IFT88: variants seen among roughly 807,000 people sequenced by gnomAD.
The protein encoded by IFT88 is intraflagellar transport 88, also known as intraflagellar transport protein 88 homolog.
In IFT88, 74 loss-of-function variants were observed where a neutral mutation model predicts 119.5. The observed-to-expected ratio is 0.62, with a 90% confidence interval of 0.51 to 0.75. The LOEUF is 0.75. Among genes scored for constraint, IFT88 ranks in the 30% least tolerant of loss-of-function variants. IFT88 has a pLI of 0.00. For synonymous variants in IFT88, 279 were observed against 316.7 expected (o/e 0.88, Z 1.26); for missense variants, 961 against 977.7 (o/e 0.98, Z 0.23).
chr13:20,621,526 TAAAAAAAAAAAAAAA>T (rs200491393), intron 14 of IFT88, among the ~76,000 whole-genome samples: 40 of 130,796 alleles, frequency 3.1e-4, no homozygotes, highest in African/African-American at 7.6e-4. Flanking sequence ...CCTGCTGAGA[TAAAAAAAAAAAAAAA>T]AAAAAAAAAA....
intron 22 of IFT88, among the ~76,000 whole-genome samples, chr13:20,657,762 A>AAATAAAT (rs1566384707): frequency 6.6e-6 from 1 of 151,040 alleles, no homozygotes; most frequent in African/African-American, 2.5e-5. Context: ...ATTCTGTCTC[A>AAATAAAT]AAATAAATAA....
intron 7 of IFT88, 72 bp downstream of exon 7, chr13:20,592,476 AT>A (rs376442929): frequency 0.018 from 18,333 of 1,003,546 alleles, 63 homozygotes; most frequent in African/African-American, 0.052. Flanking sequence ...CAAATACACA[AT>A]TTTTTTTTTT....
At chr13:20,587,605 C>T (rs972920282) in intron 3 of IFT88, among the ~76,000 whole-genome samples, 2 of 151,996 alleles carry the variant, frequency 1.3e-5, no homozygotes, top group South Asian at 2.1e-4. Context: ...CTTGTACTCT[C>T]GTTGTGGGTT....
At chr13:20,581,171 A>G (rs2038574423) in intron 2 of IFT88, among the ~76,000 whole-genome samples, 1 of 152,194 alleles carries the variant, frequency 6.6e-6, no homozygotes, top group African/African-American at 2.4e-5. Flanking sequence ...TTTTTGGCTT[A>G]TGCTTGGTTT....
chr13:20,602,768 A>G (rs934979518), intron 12 of IFT88, among the ~76,000 whole-genome samples: 14 of 152,198 alleles, frequency 9.2e-5, no homozygotes, highest in African/African-American at 3.4e-4. Context: ...CTGTAATCCC[A>G]GCTACTTGGG....
chr13:20,648,311 G>A (rs1209079408), intron 20 of IFT88, among the ~76,000 whole-genome samples: 2 of 152,180 alleles, frequency 1.3e-5, no homozygotes, highest in Non-Finnish European at 2.9e-5. Flanking sequence ...CATGAGAATC[G>A]CTTGAACCCG....
At chr13:20,649,800 C>T (rs2051326740) in intron 20 of IFT88, among the ~76,000 whole-genome samples, 1 of 151,964 alleles carries the variant, frequency 6.6e-6, no homozygotes, top group Non-Finnish European at 1.5e-5. Context: ...ATTAGAAATG[C>T]AAGTAGAGGC....
chr13:20,620,439 C>CTGG, intron 14 of IFT88, among the ~76,000 whole-genome samples: 1 of 152,268 alleles, frequency 6.6e-6, no homozygotes, highest in Middle Eastern at 3.4e-3. Context: ...CACTTGATAT[C>CTGG]TGGTAGTGCT....
At chr13:20,639,667 C>T (rs979956790) in intron 17 of IFT88, among the ~76,000 whole-genome samples, 2 of 151,978 alleles carry the variant, frequency 1.3e-5, no homozygotes, top group African/African-American at 2.4e-5. Flanking sequence ...TAGATATATC[C>T]TTATTTATTT....
Position 20,601,797 on chromosome 13 carries a change from C to A in IFT88, c.905C>A (p.Ala302Glu). 6.2e-7 allele frequency: 1 copy of A among 1,613,306 alleles called. No individual in the cohort carries two copies. Among genetic ancestry groups the A allele is most frequent in the Non-Finnish European group, 8.5e-7 (1 of 1,179,342 alleles). The part of the protein sequence containing the change: ...INSYEHIMSM[A>E]PNLKAGYNLT... ...TCATATGAGCACATAATGAGCATGG[C>A]ACCAAATCTGAAGGCAGGCTACAAC... The change falls in exon 12 of 26, where the codon GCA (alanine) becomes GAA (glutamate). Residue 302 changes from alanine (A) to glutamate (E), a missense_variant. By Grantham distance (107) the Ala-to-Glu change is moderately radical. Coordinates refer to ENST00000351808, the MANE Select transcript of IFT88 (RefSeq NM_006531.5).
intron 23 of IFT88, among the ~76,000 whole-genome samples, chr13:20,667,102 C>T (rs746465795): frequency 3.9e-5 from 6 of 152,134 alleles, no homozygotes; most frequent in Non-Finnish European, 5.9e-5. Flanking sequence ...CACATCTTAG[C>T]GTTGAAGTGA....
At chr13:20,572,951 T>C (rs1438691825) in intron 1 of IFT88, among the ~76,000 whole-genome samples, 2 of 152,192 alleles carry the variant, frequency 1.3e-5, no homozygotes, top group African/African-American at 4.8e-5. Context: ...TAGTACTTCA[T>C]TGCGTAAGTA....
rs556724250 is a variant in IFT88, at chr13:20,620,397, C to T, written c.1199+4518C>T. Among the ~76,000 whole-genome samples the T allele has an allele frequency of 2.6e-5, 4 of 152,232 alleles. No individual in the cohort carries two copies. The East Asian group carries it at 7.7e-4, about 29-fold the overall frequency. On this transcript the variant is annotated intron_variant, in intron 14 of 25. Coordinates refer to ENST00000351808, the MANE Select transcript of IFT88 (RefSeq NM_006531.5). ...CATTTATCTACTCTTGTCGTCAAACCACATTGCCTACATTTCTATAGTTTA... is the reference window on the plus strand; with the variant it reads ...CATTTATCTACTCTTGTCGTCAAACTACATTGCCTACATTTCTATAGTTTA...
At chr13:20,600,829 A>G (rs2042470231) in intron 11 of IFT88, among the ~76,000 whole-genome samples, 1 of 152,256 alleles carries the variant, frequency 6.6e-6, no homozygotes. Context: ...CATAACAATT[A>G]TTCATAATAG....
intron 16 of IFT88, among the ~76,000 whole-genome samples, chr13:20,634,571 T>C (rs994408927): frequency 5.3e-5 from 8 of 151,724 alleles, no homozygotes; most frequent in South Asian, 2.1e-4. Flanking sequence ...ACCAAAAATA[T>C]AAAAAATTAG....
chr13:20,607,585 A>G, intron 13 of IFT88: 1 of 744,646 alleles, frequency 1.3e-6, no homozygotes, highest in South Asian at 1.4e-5. Context: ...TTGCGGATCC[A>G]CCATCTCCCG....
chr13:20,596,715 TTTGA>T (rs1433268122), intron 8 of IFT88, among the ~76,000 whole-genome samples: 4 of 152,382 alleles, frequency 2.6e-5, no homozygotes, highest in Middle Eastern at 6.8e-3. Flanking sequence ...TTCATGTTAC[TTTGA>T]TTGTCATATC....
In IFT88 at chr13:20,598,623, G is replaced by A. The variant is rs780996029; in HGVS notation, c.595-28G>A. On this transcript the variant is annotated intron_variant, in intron 9 of 25. Coordinates refer to ENST00000351808, the MANE Select transcript of IFT88 (RefSeq NM_006531.5). ...AAAGGGGCCTAAAGTGGTCTTATGTGTCTTTTCTATAATATTTTCTTCCTT... is the reference window on the plus strand; with the variant it reads ...AAAGGGGCCTAAAGTGGTCTTATGTATCTTTTCTATAATATTTTCTTCCTT... 1.7e-5 allele frequency: 25 copies of A among 1,453,594 alleles called. No individual in the cohort carries two copies. In the South Asian group the frequency reaches 1.9e-4, roughly 11 times the overall value. The allele number at this position is 1,453,594 out of a possible 1,614,324, so 90.0% of individuals were successfully genotyped here.
At chr13:20,641,607 G>T in intron 18 of IFT88, 3 of 390,442 alleles carry the variant, frequency 7.7e-6, no homozygotes, top group Non-Finnish European at 9.2e-6. Flanking sequence ...AGGAATTAAT[G>T]GTTAAAACTA....
Sources: gnomAD v4.1 joint callset for allele counts (sites outside exome capture counted in the v4.1 genomes callset) on GRCh38, gnomAD v4.1.1 for gene constraint, MANE v1.5 for transcripts, NCBI Gene and HGNC (gene_info 2026-07-23, HGNC 2026-07-21) for gene names.